The following ACBD6 variants were observed in gnomAD, a reference collection of about 807,000 sequenced individuals.
ACBD6 encodes the protein acyl-CoA-binding domain-containing protein 6.
ACBD6 carries 28 observed loss-of-function variants against 37.2 expected under a neutral mutation model. That is an observed-to-expected ratio of 0.75 (90% CI 0.56 to 1.03). The LOEUF (loss-of-function observed/expected upper bound fraction) is 1.03, where lower values mean the gene tolerates loss of function less well. Ranked by LOEUF, ACBD6 falls within the 50% of genes least tolerant of loss-of-function variation. The pLI, the probability that ACBD6 is intolerant of heterozygous loss-of-function variation, is 0.00. For synonymous variants in ACBD6, 113 were observed against 126.8 expected (o/e 0.89, Z 0.73); for missense variants, 340 against 337.4 (o/e 1.01, Z -0.06).
chr1:180,308,557 T>C (rs1214097379), intron 7 of ACBD6, among the ~76,000 whole-genome samples: 1 of 152,244 alleles, frequency 6.6e-6, no homozygotes, highest in Non-Finnish European at 1.5e-5. Context: ...AATGCTAGTC[T>C]GAAGCAGAGA....
At chr1:180,501,902 G>T in intron 1 of ACBD6, 143 bp downstream of exon 1, 1 of 747,832 alleles carries the variant, frequency 1.3e-6, no homozygotes, top group Non-Finnish European at 2.2e-6. Context: ...CCCAGCAGAT[G>T]GTCAAAAAAA....
intron 6 of ACBD6, among the ~76,000 whole-genome samples, chr1:180,373,989 A>T (rs918698754): frequency 3.9e-5 from 6 of 152,208 alleles, no homozygotes; most frequent in African/African-American, 1.4e-4. Flanking sequence ...AGTGATTTCA[A>T]TATTAAAAGC....
chr1:180,412,492 A>G (rs1262390947), intron 5 of ACBD6, among the ~76,000 whole-genome samples: 1 of 152,186 alleles, frequency 6.6e-6, no homozygotes, highest in Non-Finnish European at 1.5e-5. Flanking sequence ...GAGTTAGCAA[A>G]TTTTGCTCTT....
At chr1:180,392,961 G>A (rs907824927) in intron 6 of ACBD6, among the ~76,000 whole-genome samples, 1 of 152,136 alleles carries the variant, frequency 6.6e-6, no homozygotes, top group Non-Finnish European at 1.5e-5. Context: ...ATACACCACA[G>A]ATGCTCCTAC....
At chr1:180,488,555 A>C (rs1651366584) in intron 3 of ACBD6, among the ~76,000 whole-genome samples, 1 of 151,788 alleles carries the variant, frequency 6.6e-6, no homozygotes, top group Non-Finnish European at 1.5e-5. Flanking sequence ...ATAGGTCTAA[A>C]TCCAGTGCCA....
At chr1:180,332,842 C>A (rs970913433) in intron 6 of ACBD6, among the ~76,000 whole-genome samples, 3 of 152,118 alleles carry the variant, frequency 2.0e-5, no homozygotes, top group African/African-American at 7.2e-5. Context: ...AGGTTGGGGA[C>A]CACTGAGTTA....
At chr1:180,461,853 G>A (rs1361964365) in intron 3 of ACBD6, among the ~76,000 whole-genome samples, 5 of 152,110 alleles carry the variant, frequency 3.3e-5, no homozygotes, top group Non-Finnish European at 5.9e-5. Context: ...GTGACACTAC[G>A]AAGCAACCAC....
intron 3 of ACBD6, among the ~76,000 whole-genome samples, chr1:180,474,142 A>G (rs2102061390): frequency 6.6e-6 from 1 of 152,324 alleles, no homozygotes; most frequent in East Asian, 1.9e-4. Flanking sequence ...TTCATTTACA[A>G]TTTCCAATTT....
intron 6 of ACBD6, among the ~76,000 whole-genome samples, chr1:180,391,745 G>T (rs1026272695): frequency 1.3e-5 from 2 of 152,048 alleles, no homozygotes; most frequent in African/African-American, 4.8e-5. Flanking sequence ...ACAACAAGCA[G>T]TTCCTCAAAA....
At chr1:180,338,991 A>C (rs1179844920) in intron 6 of ACBD6, among the ~76,000 whole-genome samples, 3 of 152,250 alleles carry the variant, frequency 2.0e-5, no homozygotes, top group Non-Finnish European at 2.9e-5. Flanking sequence ...ATACCATCTC[A>C]CACCAGTTAG....
intron 6 of ACBD6, among the ~76,000 whole-genome samples, chr1:180,369,685 A>G (rs1653182675): frequency 6.6e-6 from 1 of 152,212 alleles, no homozygotes; most frequent in South Asian, 2.1e-4. Context: ...ATGAAACAAA[A>G]TCAGTCCATT....
Position 180,502,524 on chromosome 1 carries a change from G to A in ACBD6, c.-258C>T. On this transcript the variant is annotated 5_prime_UTR_variant, in exon 1 of 8. Transcript: ENST00000367595. ...TCCTCCGGCTTCCCTCCGGCCAACA[G>A]CGCGCTCAGGCTCGCCTCAGGCCCC... 1.9e-6 allele frequency: 1 copy of A among 527,304 alleles called. No homozygotes were observed. Among genetic ancestry groups the A allele is most frequent in the East Asian group, 3.4e-5 (1 of 29,176 alleles). 32.7% of individuals were successfully genotyped at this position (527,304 alleles called of 1,614,324 possible).
At chr1:180,388,175 C>CAAA (rs34156282) in intron 6 of ACBD6, among the ~76,000 whole-genome samples, 2 of 111,180 alleles carry the variant, frequency 1.8e-5, no homozygotes, top group Non-Finnish European at 3.6e-5. Context: ...GACTCCGTCT[C>CAAA]AAAAAAAAAA....
intron 5 of ACBD6, among the ~76,000 whole-genome samples, chr1:180,407,839 A>C (rs1647687135): frequency 6.6e-6 from 1 of 152,242 alleles, no homozygotes; most frequent in Admixed American, 6.5e-5. Context: ...ATAAAGTATT[A>C]TGTGTTATTT....
At chr1:180,274,441 G>A in intron 10 of ACBD6, 1 of 1,614,190 alleles carries the variant, frequency 6.2e-7, no homozygotes, top group Non-Finnish European at 8.5e-7. Flanking sequence ...CGCATGCAGG[G>A]CAGGGAGTAA....
In ACBD6 at chr1:180,471,460, T is replaced by C. The variant is rs546422464; in HGVS notation, c.384+20809A>G. Among the ~76,000 whole-genome samples the C allele has an allele frequency of 2.4e-3, 277 of 114,430 alleles. 1 individual carries two copies. The highest frequency in any genetic ancestry group is 4.2e-3 in the Non-Finnish European group (238 of 57,018). 75.1% of individuals were successfully genotyped at this position (114,430 alleles called of 152,430 possible). On this transcript the variant is annotated intron_variant, in intron 3 of 7. Transcript: ENST00000367595. Reference sequence around the variant, plus strand: ...GAAGGAGATATGAATTAGTCTGTTTTCATGCTGCTGATAAAAACATACCTG... The same window carrying C: ...GAAGGAGATATGAATTAGTCTGTTTCCATGCTGCTGATAAAAACATACCTG...
chr1:180,311,640 C>T (rs1571345909), intron 7 of ACBD6, among the ~76,000 whole-genome samples: 1 of 152,132 alleles, frequency 6.6e-6, no homozygotes, highest in Non-Finnish European at 1.5e-5. Context: ...GTTTGTCCTG[C>T]TTCTCCCAGG....
At chr1:180,330,258 T>G (rs962245113) in intron 6 of ACBD6, among the ~76,000 whole-genome samples, 6 of 151,090 alleles carry the variant, frequency 4.0e-5, no homozygotes, top group African/African-American at 1.5e-4. Context: ...ATAAGAATTT[T>G]TTTTTTTTTT....
In ACBD6 at chr1:180,431,834, C is replaced by T. The variant is rs139773836; in HGVS notation, c.385-1572G>A. On this transcript the variant is annotated intron_variant, in intron 3 of 7. Coordinates refer to ENST00000367595, the MANE Select transcript of ACBD6 (RefSeq NM_032360.4). ...AGCATAGCTTCTTAAAAAAGAATGACTCCTAGAAGGTAACATGGCGGAAAA... is the reference window on the plus strand; with the variant it reads ...AGCATAGCTTCTTAAAAAAGAATGATTCCTAGAAGGTAACATGGCGGAAAA... Among the ~76,000 whole-genome samples the T allele has an allele frequency of 2.2e-3, 328 of 152,170 alleles. 1 individual carries two copies. The Middle Eastern group carries it at 0.027, about 13-fold the overall frequency.
Sources: gnomAD v4.1 joint callset for allele counts (sites outside exome capture counted in the v4.1 genomes callset) on GRCh38, gnomAD v4.1.1 for gene constraint, MANE v1.5 for transcripts, NCBI Gene and HGNC (gene_info 2026-07-23, HGNC 2026-07-21) for gene names.